RBFOX2: variants seen among roughly 807,000 people sequenced by gnomAD.
RBFOX2 encodes RNA binding protein fox-1 homolog 2.
In RBFOX2, 10 loss-of-function variants were observed where a neutral mutation model predicts 49.1. The ratio of observed to expected loss-of-function variants is 0.20; its 90% CI spans 0.13 to 0.35. The LOEUF (loss-of-function observed/expected upper bound fraction) is 0.35. Ranked by LOEUF, RBFOX2 falls within the 10% of genes least tolerant of loss-of-function variation. The pLI is 1.00. For missense variants in RBFOX2, 323 were observed against 486.9 expected (o/e 0.66, Z 3.17); for synonymous variants, 183 against 187.4 (o/e 0.98, Z 0.19).
intron 1 of RBFOX2, among the ~76,000 whole-genome samples, chr22:35,981,391 C>T (rs2057448710): frequency 6.6e-6 from 1 of 152,050 alleles, no homozygotes; most frequent in Non-Finnish European, 1.5e-5. Flanking sequence ...ACCAGTAATC[C>T]CAGCACTTTG....
Position 35,881,582 on chromosome 22 carries a change from C to CA in RBFOX2, c.-34+57264dup, listed in dbSNP as rs1334437471. ...GGGCAACAGAATGAGACTCTGTCTC[C>CA]AAAAAAAAAAAAAGGAAGAAATTTT... On this transcript the variant is annotated intron_variant, in intron 1 of 13. Coordinates refer to the RBFOX2 transcript ENST00000359369. Among the ~76,000 whole-genome samples, 581 of 111,174 alleles carry CA rather than the reference C, an allele frequency of 5.2e-3. 5 individuals are homozygous for CA. The highest frequency in any genetic ancestry group is 0.031 in the East Asian group (117 of 3,836). The allele number at this position is 111,174 out of a possible 152,430, so 72.9% of individuals were successfully genotyped here.
chr22:35,909,213 C>T (rs1886983363), intron 1 of RBFOX2, among the ~76,000 whole-genome samples: 1 of 152,134 alleles, frequency 6.6e-6, no homozygotes, highest in South Asian at 2.1e-4. Flanking sequence ...GTTGCAGCTG[C>T]TCAAGAGGCC....
intron 3 of RBFOX2, among the ~76,000 whole-genome samples, chr22:35,780,969 A>G (rs537716832): frequency 1.3e-5 from 2 of 152,298 alleles, no homozygotes; most frequent in East Asian, 1.9e-4. Flanking sequence ...GTTGAGGGAG[A>G]TAAGAGGAGA....
intron 1 of RBFOX2, among the ~76,000 whole-genome samples, chr22:35,846,247 CTA>C (rs981756439): frequency 1.4e-4 from 21 of 147,132 alleles, no homozygotes; most frequent in African/African-American, 5.2e-4. Flanking sequence ...AATTATATAA[CTA>C]TGTAAGTATA....
At chr22:35,846,206 CTA>C (rs953229795) in intron 1 of RBFOX2, among the ~76,000 whole-genome samples, 1 of 148,954 alleles carries the variant, frequency 6.7e-6, no homozygotes, top group Non-Finnish European at 1.5e-5. Context: ...ATTACATAAA[CTA>C]TATAAGTATA....
chr22:35,891,492 C>T (rs763861619), intron 1 of RBFOX2, among the ~76,000 whole-genome samples: 1 of 151,856 alleles, frequency 6.6e-6, no homozygotes. Context: ...TGGCTCTACC[C>T]ATTATGGGCA....
At chr22:36,006,134 G>T (rs2058609061) in intron 1 of RBFOX2, among the ~76,000 whole-genome samples, 1 of 152,168 alleles carries the variant, frequency 6.6e-6, no homozygotes, top group Admixed American at 6.5e-5. Flanking sequence ...CCTACTGCCA[G>T]CCCTGGTATA....
chr22:35,871,775 C>A (rs1339393447), intron 1 of RBFOX2, among the ~76,000 whole-genome samples: 1 of 152,122 alleles, frequency 6.6e-6, no homozygotes, highest in Non-Finnish European at 1.5e-5. Context: ...TGCCACCATG[C>A]ACCAAGGCAA....
intron 1 of RBFOX2, among the ~76,000 whole-genome samples, chr22:36,024,833 T>C (rs184730722): frequency 1.2e-4 from 18 of 151,970 alleles, no homozygotes; most frequent in Non-Finnish European, 2.1e-4. Flanking sequence ...TTGAGACAGA[T>C]TTTCGCTCTT....
intron 1 of RBFOX2, among the ~76,000 whole-genome samples, chr22:36,013,142 C>T (rs1205024408): frequency 1.3e-5 from 2 of 152,066 alleles, no homozygotes; most frequent in South Asian, 4.1e-4. Flanking sequence ...GGCATGGTGG[C>T]ACATGCCTAT....
intron 2 of RBFOX2, among the ~76,000 whole-genome samples, chr22:35,797,021 T>G (rs1948908323): frequency 6.6e-6 from 1 of 152,158 alleles, no homozygotes. Flanking sequence ...TTTTCTTAGT[T>G]TGATGTAATT....
At chr22:35,879,741 G>A (rs965369942) in intron 1 of RBFOX2, among the ~76,000 whole-genome samples, 6 of 152,230 alleles carry the variant, frequency 3.9e-5, no homozygotes, top group African/African-American at 1.4e-4. Flanking sequence ...AAAGGATTAT[G>A]TCAGATGTTG....
At chr22:35,888,226 C>G (rs2046826938) in intron 1 of RBFOX2, among the ~76,000 whole-genome samples, 2 of 152,130 alleles carry the variant, frequency 1.3e-5, no homozygotes, top group African/African-American at 4.8e-5. Context: ...CTTAGGCCTA[C>G]TTCATCTCTG....
At chr22:35,965,889 G>A (rs1417722621), upstream of RBFOX2, among the ~76,000 whole-genome samples, 1 of 152,086 alleles carries the variant, frequency 6.6e-6, no homozygotes, top group Non-Finnish European at 1.5e-5. Context: ...CTACCAAAGC[G>A]ATTACATATA....
upstream of RBFOX2, among the ~76,000 whole-genome samples, chr22:35,963,521 G>A (rs2056380850): frequency 6.6e-6 from 1 of 152,158 alleles, no homozygotes; most frequent in Non-Finnish European, 1.5e-5. Context: ...GACTAAAGCA[G>A]TTTCTGAGAG....
At chr22:35,761,130 A>T (rs556235432) in intron 8 of RBFOX2, 72 bp downstream of exon 9, 1 of 1,360,830 alleles carries the variant, frequency 7.3e-7, no homozygotes, top group East Asian at 2.3e-5. Flanking sequence ...TGTACTAGGA[A>T]AAAAAAAAAC....
intron 1 of RBFOX2, among the ~76,000 whole-genome samples, chr22:35,867,491 G>A (rs967481545): frequency 5.9e-5 from 9 of 152,110 alleles, no homozygotes; most frequent in African/African-American, 7.2e-5. Context: ...TATTCTTTGC[G>A]TTTACTAGAC....
chr22:35,812,217 C>T (rs893608819), intron 1 of RBFOX2, among the ~76,000 whole-genome samples: 1 of 151,206 alleles, frequency 6.6e-6, no homozygotes, highest in African/African-American at 2.4e-5. Context: ...ACTGACATCG[C>T]TGCCATTAAA....
chr22:35,827,764 C>G (rs972663553), intron 1 of RBFOX2, among the ~76,000 whole-genome samples: 1 of 152,152 alleles, frequency 6.6e-6, no homozygotes, highest in Admixed American at 6.5e-5. Flanking sequence ...ATGAACTGTT[C>G]AACTGATTTT....
Sources: gnomAD v4.1 joint callset for allele counts (sites outside exome capture counted in the v4.1 genomes callset) on GRCh38, gnomAD v4.1.1 for gene constraint, MANE v1.5 for transcripts, NCBI Gene and HGNC (gene_info 2026-07-23, HGNC 2026-07-21) for gene names.